PCDHA5: variants seen among roughly 807,000 people sequenced by gnomAD.
PCDHA5 encodes the protein protocadherin alpha-5.
PCDHA5 carries 43 observed loss-of-function variants against 61.6 expected under a neutral mutation model. The ratio of observed to expected loss-of-function variants is 0.70; its 90% CI spans 0.55 to 0.90. PCDHA5 has a LOEUF of 0.90. PCDHA5 is among the 40% of genes least tolerant of loss of function. PCDHA5 has a pLI of 0.00. For missense variants in PCDHA5, 1,298 were observed against 1,222.7 expected (o/e 1.06, Z -0.92); for synonymous variants, 627 against 543.9 (o/e 1.15, Z -2.13).
chr5:140,966,753 C>G, intron 1 of PCDHA5: 3 of 1,433,176 alleles, frequency 2.1e-6, no homozygotes, highest in South Asian at 1.5e-5. Flanking sequence ...CTGCCTCCGC[C>G]GCGGCCAGTG....
chr5:140,867,676 G>T (rs2050100182), intron 1 of PCDHA5: 1 of 151,988 alleles, frequency 6.6e-6, no homozygotes, highest in Admixed American at 6.6e-5. Flanking sequence ...CTAAAATTTT[G>T]TTGCATCTTC....
chr5:140,904,328 C>T (rs1469107868), intron 1 of PCDHA5, among the ~76,000 whole-genome samples: 2 of 151,958 alleles, frequency 1.3e-5, no homozygotes, highest in South Asian at 2.1e-4. Flanking sequence ...ATAATGGTCT[C>T]CAGTTCCATC....
chr5:140,856,303 G>C (rs1554148515), intron 1 of PCDHA5: 1 of 1,598,648 alleles, frequency 6.3e-7, no homozygotes, highest in Non-Finnish European at 8.6e-7. Flanking sequence ...TTTTGTTTGT[G>C]AATTCTCGGA....
intron 1 of PCDHA5, among the ~76,000 whole-genome samples, chr5:140,912,685 G>A (rs2076025155): frequency 6.6e-6 from 1 of 152,060 alleles, no homozygotes; most frequent in Non-Finnish European, 1.5e-5. Flanking sequence ...CTTATTCCAG[G>A]TCTCAGGGGG....
chr5:140,845,835 C>T (rs917105315), intron 1 of PCDHA5, among the ~76,000 whole-genome samples: 3 of 149,588 alleles, frequency 2.0e-5, no homozygotes, highest in Non-Finnish European at 4.5e-5. Flanking sequence ...TATTACCATT[C>T]TTAAGAGAAA....
Position 140,855,923 on chromosome 5 carries a change from A to T in PCDHA5, c.2352+31796A>T, listed in dbSNP as rs1424860955. On this transcript the variant is annotated intron_variant, in intron 1 of 3. Coordinates refer to ENST00000529859, the MANE Select transcript of PCDHA5 (RefSeq NM_018908.3). Reference sequence around the variant, plus strand: ...GCCAGTTTCTCAAGGACTAGGAAGTAGCGTCATTCTGAGATCTCAGCCATT... The same window carrying T: ...GCCAGTTTCTCAAGGACTAGGAAGTTGCGTCATTCTGAGATCTCAGCCATT... 7.3e-6 allele frequency: 9 copies of T among 1,229,146 alleles called. No individual in the cohort carries two copies. In the South Asian group the frequency reaches 1.4e-4, roughly 19 times the overall value. 76.1% of individuals were successfully genotyped at this position (1,229,146 alleles called of 1,614,324 possible).
chr5:140,933,865 A>G (rs918877939), intron 1 of PCDHA5, among the ~76,000 whole-genome samples: 14 of 151,864 alleles, frequency 9.2e-5, no homozygotes, highest in African/African-American at 1.4e-4. Flanking sequence ...TTTTTCAGAT[A>G]TATGTTAGTT....
chr5:140,869,424 G>A, intron 1 of PCDHA5: 2 of 1,614,216 alleles, frequency 1.2e-6, no homozygotes, highest in African/African-American at 2.7e-5. Context: ...TCCACCTGGA[G>A]GTGATCGTGG....
At chr5:140,982,415 A>C (rs1291195577) in intron 2 of PCDHA5, 60 bp from the exon 3 acceptor site, 1 of 1,610,020 alleles carries the variant, frequency 6.2e-7, no homozygotes, top group African/African-American at 1.3e-5. Flanking sequence ...CTGAGGGTGG[A>C]AGAAGAGATG....
In PCDHA5 at chr5:141,000,416, TATATA is replaced by T. The variant is rs1214257718; in HGVS notation, c.2501-9210_2501-9206del. On this transcript the variant is annotated intron_variant, in intron 3 of 3. Coordinates refer to ENST00000529859, the MANE Select transcript of PCDHA5 (RefSeq NM_018908.3). ...CTCTCTATATATATATATATATATA[TATATA>T]TTTTTTTTTTTTTTTTTTTTTTTGA... 2.1e-3 allele frequency among the ~76,000 whole-genome samples: 195 copies of T among 93,382 alleles called. 1 individual carries two copies. Among genetic ancestry groups the T allele is most frequent in the African/African-American group, 4.2e-3 (94 of 22,362 alleles). 61.3% of individuals were successfully genotyped at this position (93,382 alleles called of 152,430 possible). A position where few individuals can be genotyped will look rare whatever the true frequency, so the allele number is the denominator to read the frequency against.
intron 1 of PCDHA5, among the ~76,000 whole-genome samples, chr5:140,888,739 GA>G (rs782625301): frequency 6.6e-6 from 1 of 151,978 alleles, no homozygotes; most frequent in Non-Finnish European, 1.5e-5. Flanking sequence ...TGAGCTCTAG[GA>G]ATTATTCTAC....
chr5:140,890,788 T>C (rs892426818), intron 1 of PCDHA5, among the ~76,000 whole-genome samples: 1 of 152,222 alleles, frequency 6.6e-6, no homozygotes, highest in Non-Finnish European at 1.5e-5. Flanking sequence ...AAGATATTAG[T>C]ATTATTTTAT....
intron 1 of PCDHA5, among the ~76,000 whole-genome samples, chr5:140,942,008 T>C (rs155814): frequency 0.3 from 44,965 of 152,110 alleles, 7,230 homozygotes; most frequent in East Asian, 0.53. Flanking sequence ...CTCTTATTAT[T>C]AATTTTGGGA....
At position 140,914,538 on chromosome 5, in the gene PCDHA5, T is replaced by C. The variant is rs1393710886; in HGVS notation, c.2353-64411T>C. ...TTTTTTCATCCATTCAGCCACTTTA[T>C]TTCTTTTTATTGGAGAGTTTAGTCC... is the stretch of plus-strand genomic sequence containing the variant. On this transcript the variant is annotated intron_variant, in intron 1 of 3. Transcript: ENST00000529859. 2.0e-5 allele frequency among the ~76,000 whole-genome samples: 3 copies of C among 152,198 alleles called. No individual in the cohort carries two copies. The East Asian group carries it at 5.8e-4, about 29-fold the overall frequency.
Position 140,829,683 on chromosome 5 carries a change from T to C in PCDHA5, c.2352+5556T>C, listed in dbSNP as rs1554132167. Reference sequence around the variant, plus strand: ...CTGGACCACGAGGAGCTAGAGCTGCTGCAGTTTCAGGTGAGCGCGCGCGAC... The same window carrying C: ...CTGGACCACGAGGAGCTAGAGCTGCCGCAGTTTCAGGTGAGCGCGCGCGAC... On this transcript the variant is annotated intron_variant, in intron 1 of 3. Transcript: ENST00000529859. 6 of 1,613,236 alleles carry C rather than the reference T, an allele frequency of 3.7e-6. No individual in the cohort carries two copies. The East Asian group carries it at 1.3e-4, about 36-fold the overall frequency.
intron 1 of PCDHA5, among the ~76,000 whole-genome samples, chr5:140,837,994 C>CA (rs1554136741): frequency 6.6e-6 from 1 of 150,494 alleles, no homozygotes; most frequent in Non-Finnish European, 1.5e-5. Context: ...TTCATCTTTC[C>CA]TTTTTTTTAA....
At chr5:140,863,029 G>C (rs782621997) in intron 1 of PCDHA5, 1 of 556,606 alleles carries the variant, frequency 1.8e-6, no homozygotes, top group Non-Finnish European at 3.5e-6. Context: ...TGTCGCAACA[G>C]CTGCATCTGT....
Position 140,843,067 on chromosome 5 carries a change from G to A in PCDHA5, c.2352+18940G>A, listed in dbSNP as rs143344890. 15 of 1,595,152 alleles carry A rather than the reference G, an allele frequency of 9.4e-6. 1 individual carries two copies. The African/African-American group carries it at 2.0e-4, about 21-fold the overall frequency. ...GTGGCGCAGCGAGCAAGCTGGTGCC[G>A]CGGTCTGTGGGCGCGGGCCACGTGG... On this transcript the variant is annotated intron_variant, in intron 1 of 3. Coordinates refer to ENST00000529859, the MANE Select transcript of PCDHA5 (RefSeq NM_018908.3).
At chr5:140,830,073 C>G (rs2150180623) in intron 1 of PCDHA5, 8 of 1,613,470 alleles carry the variant, frequency 5.0e-6, no homozygotes, top group African/African-American at 2.7e-5. Context: ...GCGCTGACAG[C>G]GACGGCCACG....
Sources: gnomAD v4.1 joint callset for allele counts (sites outside exome capture counted in the v4.1 genomes callset) on GRCh38, gnomAD v4.1.1 for gene constraint, MANE v1.5 for transcripts, NCBI Gene and HGNC (gene_info 2026-07-23, HGNC 2026-07-21) for gene names.